Variants in TMEM132E observed in about 807,000 individuals in gnomAD.
TMEM132E encodes the protein transmembrane protein 132E.
TMEM132E carries 49 observed loss-of-function variants against 78.5 expected under a neutral mutation model. The ratio of observed to expected loss-of-function variants is 0.62; its 90% CI spans 0.50 to 0.79. The LOEUF (loss-of-function observed/expected upper bound fraction) is 0.79, where lower values mean the gene tolerates loss of function less well. Among genes scored for constraint, TMEM132E ranks in the 30% least tolerant of loss-of-function variants. The probability of loss-of-function intolerance (pLI) is 0.00; values close to 1 mark genes in which losing one functional copy is unlikely to be tolerated. For synonymous variants in TMEM132E, 715 were observed against 670.6 expected (o/e 1.07, Z -1.02); for missense variants, 1,403 against 1,470.9 (o/e 0.95, Z 0.75).
intron 1 of TMEM132E, among the ~76,000 whole-genome samples, chr17:34,588,475 A>T (rs1905753788): frequency 6.6e-6 from 1 of 152,236 alleles, no homozygotes; most frequent in South Asian, 2.1e-4. Flanking sequence ...TGAATGAATC[A>T]TTGTGCACAT....
chr17:34,581,065 C>G lies in TMEM132E; in HGVS notation c.-12C>G. Reference sequence around the variant, plus strand: ...GTTGCTCTCTCGGACCCCTCCCGCCCCCGCCTCGGCCATGGCCCCGGGGAT... The same window carrying G: ...GTTGCTCTCTCGGACCCCTCCCGCCGCCGCCTCGGCCATGGCCCCGGGGAT... On this transcript the variant is annotated 5_prime_UTR_variant, in exon 1 of 9. Coordinates refer to ENST00000631683, the MANE Select transcript of TMEM132E (RefSeq NM_001304438.2). The G allele has an allele frequency of 6.5e-7, 1 of 1,542,458 alleles. No homozygotes were observed.
At chr17:34,591,660 C>G (rs554460450) in intron 1 of TMEM132E, among the ~76,000 whole-genome samples, 84 of 152,226 alleles carry the variant, frequency 5.5e-4, no homozygotes, top group Admixed American at 1.9e-3. Context: ...ATTCCTCATC[C>G]AACAGTCAGC....
intron 1 of TMEM132E, among the ~76,000 whole-genome samples, chr17:34,615,517 A>ATGTGTGTGTGTGTG (rs3048841): frequency 0.018 from 2,585 of 140,802 alleles, 41 homozygotes; most frequent in East Asian, 0.057. Context: ...ACTGGCACAG[A>ATGTGTGTGTGTGTG]TGTGTGTGTG....
chr17:34,608,376 T>A (rs1405985780), intron 1 of TMEM132E, among the ~76,000 whole-genome samples: 1 of 152,214 alleles, frequency 6.6e-6, no homozygotes, highest in African/African-American at 2.4e-5. Flanking sequence ...AGCGATGATC[T>A]TGCACATGGC....
At position 34,632,863 on chromosome 17, in the gene TMEM132E, C is replaced by T; in HGVS notation, c.1642C>T (p.Leu548Phe). Reference sequence around the variant, plus strand: ...GCACATTGAGCTCTCAGATGCCCGCCTCAGCCAAGTGAAGGGCTGGAGGGT... The same window carrying T: ...GCACATTGAGCTCTCAGATGCCCGCTTCAGCCAAGTGAAGGGCTGGAGGGT... The part of the protein sequence containing the change: ...PLHIELSDAR[L>F]SQVKGWRVPI... Residue 548 changes from leucine (L) to phenylalanine (F), a missense_variant, in exon 6 of 9, where the codon CTC becomes TTC. By Grantham distance (22) the Leu-to-Phe change is conservative. This residue lies in a region of TMEM132E where 888 missense variants were observed against 952.8 expected (regional missense o/e 0.93). Coordinates refer to ENST00000631683, the MANE Select transcript of TMEM132E (RefSeq NM_001304438.2). 6.2e-7 allele frequency: 1 copy of T among 1,614,250 alleles called. No individual in the cohort carries two copies. The highest frequency in any genetic ancestry group is 8.5e-7 in the Non-Finnish European group (1 of 1,180,050).
Position 34,626,251 on chromosome 17 carries a change from G to A in TMEM132E, c.192G>A (p.Pro64=), listed in dbSNP as rs1907115936. ...TCTTCCTGCGGGAGGCGCGGCCCCC[G>A]TCACCCGCGGTCGCCAACAGCTCTC... is the stretch of plus-strand genomic sequence containing the variant. ...LAFFLREARP[P]SPAVANSSLQ... The change falls in exon 2 of 9, where the codon CCG becomes CCA. Residue 64 remains proline, a synonymous_variant. Transcript: ENST00000631683. 5 of 1,599,740 alleles carry A rather than the reference G, an allele frequency of 3.1e-6. No individual in the cohort carries two copies. In the African/African-American group the frequency reaches 4.0e-5, roughly 13 times the overall value.
At position 34,637,487 on chromosome 17, in the gene TMEM132E, C is replaced by T; in HGVS notation, c.2480C>T (p.Pro827Leu). The change falls in exon 9 of 9, where the codon CCC (proline) becomes CTC (leucine). Residue 827 changes from proline (P) to leucine (L), a missense_variant. Pro to Leu is a moderately conservative substitution (Grantham distance 98). Coordinates refer to ENST00000631683, the MANE Select transcript of TMEM132E (RefSeq NM_001304438.2). Reference protein sequence around the residue: ...EEDPTYDYPGPSQPGPGGGED... With the variant: ...EEDPTYDYPGLSQPGPGGGED... ...GACCCCACTTATGACTACCCGGGCC[C>T]CAGCCAACCAGGGCCCGGCGGGGGC... The T allele has an allele frequency of 6.2e-7, 1 of 1,610,154 alleles. No individual in the cohort carries two copies. Among genetic ancestry groups the T allele is most frequent in the Non-Finnish European group, 8.5e-7 (1 of 1,178,674 alleles).
chr17:34,583,659 G>T (rs1407883263), intron 1 of TMEM132E, among the ~76,000 whole-genome samples: 8 of 152,200 alleles, frequency 5.3e-5, no homozygotes, highest in Admixed American at 5.2e-4. Context: ...GAGGTCACAG[G>T]GTTCTGACCA....
In TMEM132E at chr17:34,630,157, C is replaced by T. The variant is rs2142083282; in HGVS notation, c.1482+6C>T. 1 of 1,607,366 alleles carries T rather than the reference C, an allele frequency of 6.2e-7. No individual in the cohort carries two copies. Among genetic ancestry groups the T allele is most frequent in the Non-Finnish European group, 8.5e-7 (1 of 1,174,670 alleles). On this transcript the variant is annotated splice_donor_region_variant and intron_variant, in intron 5 of 8. Transcript: ENST00000631683. ...ACAATGAAGACATCATCAAGGTGGG[C>T]ATCCTGGAGGTGGGGCCCCTGGGGA...
rs150291867 is a variant in TMEM132E, at chr17:34,635,028, G to T, written c.1918G>T (p.Ala640Ser). Reference sequence around the variant, plus strand: ...CATGCGGGTGGGCGATCCCCGAGTGGCACACATGGTGGACAGCAGCACGCT... The same window carrying T: ...CATGCGGGTGGGCGATCCCCGAGTGTCACACATGGTGGACAGCAGCACGCT... ...DFMRVGDPRV[A>S]HMVDSSTLAG... Residue 640 changes from alanine to serine, a missense_variant, in exon 7 of 9, where the codon GCA becomes TCA. Physicochemically the swap from Ala to Ser is moderately conservative, Grantham distance 99 (BLOSUM62 1). Coordinates refer to ENST00000631683, the MANE Select transcript of TMEM132E (RefSeq NM_001304438.2). The T allele has an allele frequency of 1.2e-6, 2 of 1,613,960 alleles. No homozygotes were observed. Among genetic ancestry groups the T allele is most frequent in the African/African-American group, 2.7e-5 (2 of 74,918 alleles).
intron 1 of TMEM132E, among the ~76,000 whole-genome samples, chr17:34,599,633 T>C (rs1177124203): frequency 1.3e-5 from 2 of 152,230 alleles, no homozygotes; most frequent in Non-Finnish European, 2.9e-5. Flanking sequence ...TGGCTGCACA[T>C]TGAAGAGTTT....
At chr17:34,585,306 C>T (rs375643549) in intron 1 of TMEM132E, among the ~76,000 whole-genome samples, 9 of 152,276 alleles carry the variant, frequency 5.9e-5, no homozygotes, top group African/African-American at 1.9e-4. Context: ...AGGCCCTTGC[C>T]GGGGGCCTGT....
At chr17:34,615,561 C>G (rs1183758782) in intron 1 of TMEM132E, among the ~76,000 whole-genome samples, 1 of 113,042 alleles carries the variant, frequency 8.8e-6, no homozygotes. Context: ...GTTAGCACAA[C>G]CACCTCCCAG....
At chr17:34,584,360 G>A (rs1905593946) in intron 1 of TMEM132E, among the ~76,000 whole-genome samples, 1 of 152,202 alleles carries the variant, frequency 6.6e-6, no homozygotes, top group African/African-American at 2.4e-5. Context: ...CCTCCAGGGA[G>A]CCTCCGTAGA....
rs118078105 is a variant in TMEM132E, at chr17:34,623,495, G to A, written c.68-2632G>A. On this transcript the variant is annotated intron_variant, in intron 1 of 8. Transcript: ENST00000631683. Reference sequence around the variant, plus strand: ...CTTCTCCCAGCCCAGAGGGAGGAGCGTGGGGCCCCACCTTGGCCTCAGCAC... The same window carrying A: ...CTTCTCCCAGCCCAGAGGGAGGAGCATGGGGCCCCACCTTGGCCTCAGCAC... Among the ~76,000 whole-genome samples the A allele has an allele frequency of 8.0e-3, 1,214 of 152,126 alleles. 19 individuals carry two copies. Among genetic ancestry groups the A allele is most frequent in the East Asian group, 0.063 (323 of 5,154 alleles).
At position 34,580,927 on chromosome 17, in the gene TMEM132E, T is replaced by C. The variant is rs907648824; in HGVS notation, c.-150T>C. The C allele has an allele frequency of 1.2e-5, 6 of 509,044 alleles. No individual in the cohort carries two copies. Among genetic ancestry groups the C allele is most frequent in the Middle Eastern group, 3.5e-4 (1 of 2,818 alleles). 31.5% of individuals were successfully genotyped at this position (509,044 alleles called of 1,614,324 possible). A position where few individuals can be genotyped will look rare whatever the true frequency, so the allele number is the denominator to read the frequency against. ...CCTGGGACGCCCCCTCCCCGCAAAG[T>C]GTCCCCGAATTGCACTCTCTGGTCC... On this transcript the variant is annotated 5_prime_UTR_variant, in exon 1 of 9. Transcript: ENST00000631683.
intron 1 of TMEM132E, among the ~76,000 whole-genome samples, chr17:34,613,201 A>G (rs1209941343): frequency 1.4e-4 from 16 of 114,244 alleles, no homozygotes; most frequent in Admixed American, 1.0e-3. Context: ...ACACACCCAC[A>G]CACACACACA....
intron 1 of TMEM132E, among the ~76,000 whole-genome samples, chr17:34,622,441 A>G (rs1388635751): frequency 3.3e-5 from 5 of 152,224 alleles, no homozygotes; most frequent in Non-Finnish European, 7.3e-5. Flanking sequence ...TGACATAAAT[A>G]AAAAATTGCA....
Position 34,593,458 on chromosome 17 carries a change from G to C in TMEM132E, c.67+12315G>C, listed in dbSNP as rs144398261. On this transcript the variant is annotated intron_variant, in intron 1 of 8. Coordinates refer to ENST00000631683, the MANE Select transcript of TMEM132E (RefSeq NM_001304438.2). Reference sequence around the variant, plus strand: ...AGTGGCCACCCAACAGGACAGTACAGGGCTGGATGCTGCCCACGGGCTTAT... The same window carrying C: ...AGTGGCCACCCAACAGGACAGTACACGGCTGGATGCTGCCCACGGGCTTAT... Among the ~76,000 whole-genome samples the C allele has an allele frequency of 3.5e-3, 530 of 152,324 alleles. 3 individuals carry two copies. The highest frequency in any genetic ancestry group is 0.012 in the African/African-American group (498 of 41,570).
Sources: allele counts gnomAD v4.1 joint callset (sites outside exome capture counted in the v4.1 genomes callset), GRCh38; gene constraint gnomAD v4.1.1; regional missense constraint gnomAD v4.1.1; transcripts MANE v1.5; gene names NCBI Gene and HGNC (gene_info 2026-07-23, HGNC 2026-07-21).